The following SORCS1 variants were observed in gnomAD, a reference collection of about 807,000 sequenced individuals.
SORCS1 encodes the protein VPS10 domain-containing receptor SorCS1.
A neutral mutation model predicts 146.1 loss-of-function variants in SORCS1; 60 were observed. The observed-to-expected ratio is 0.41, with a 90% CI of 0.33 to 0.51. The LOEUF is 0.51. Ranked by LOEUF, SORCS1 falls within the 20% of genes least tolerant of loss-of-function variation. The probability of loss-of-function intolerance (pLI) is 0.21; values close to 1 mark genes in which losing one functional copy is unlikely to be tolerated. For missense variants in SORCS1, 1,352 were observed against 1,487.6 expected (o/e 0.91, Z 1.50); for synonymous variants, 637 against 584.0 (o/e 1.09, Z -1.31).
chr10:107,096,182 A>G (rs1964534332), intron 1 of SORCS1, among the ~76,000 whole-genome samples: 1 of 152,214 alleles, frequency 6.6e-6, no homozygotes, highest in Non-Finnish European at 1.5e-5. Context: ...ATATATGGCA[A>G]GTTATTGTTG....
At chr10:107,129,151 G>C (rs1288196741) in intron 1 of SORCS1, among the ~76,000 whole-genome samples, 1 of 152,208 alleles carries the variant, frequency 6.6e-6, no homozygotes, top group Non-Finnish European at 1.5e-5. Flanking sequence ...AGCAGACTGG[G>C]TGAAATTGTT....
At chr10:107,151,347 T>C (rs2134822054) in intron 1 of SORCS1, among the ~76,000 whole-genome samples, 1 of 152,060 alleles carries the variant, frequency 6.6e-6, no homozygotes, top group Middle Eastern at 3.4e-3. Context: ...GGAGTAAAGG[T>C]CACTCTTTGT....
At chr10:106,961,750 C>A (rs4918272) in intron 1 of SORCS1, among the ~76,000 whole-genome samples, 4 of 152,022 alleles carry the variant, frequency 2.6e-5, no homozygotes, top group Non-Finnish European at 5.9e-5. Context: ...GCAACACCTG[C>A]AAGTTACCAC....
At chr10:107,161,244 G>A (rs1276041078) in intron 1 of SORCS1, among the ~76,000 whole-genome samples, 1 of 152,198 alleles carries the variant, frequency 6.6e-6, no homozygotes, top group African/African-American at 2.4e-5. Context: ...CTTGAATGCA[G>A]GTGTTGTCAT....
intron 3 of SORCS1, among the ~76,000 whole-genome samples, chr10:106,814,087 CT>C (rs1280555324): frequency 6.6e-6 from 1 of 152,198 alleles, no homozygotes; most frequent in Non-Finnish European, 1.5e-5. Flanking sequence ...GAAACCAGTA[CT>C]GAGACCTGGA....
In SORCS1 at chr10:106,708,381, G is replaced by A. The variant is rs1026853282; in HGVS notation, c.1143+842C>T. Among the ~76,000 whole-genome samples, 13 of 151,932 alleles carry A rather than the reference G, an allele frequency of 8.6e-5. 1 individual carries two copies. The highest frequency in any genetic ancestry group is 4.6e-4 in the Admixed American group (7 of 15,238). Reference sequence around the variant, plus strand: ...ATATTCCAAATCACAATTTCTTGTCGAAATAAATGTAATACTGTCTAGAAT... The same window carrying A: ...ATATTCCAAATCACAATTTCTTGTCAAAATAAATGTAATACTGTCTAGAAT... On this transcript the variant is annotated intron_variant, in intron 7 of 25. Transcript: ENST00000263054.
chr10:107,105,104 A>G (rs1965215500), intron 1 of SORCS1, among the ~76,000 whole-genome samples: 1 of 152,270 alleles, frequency 6.6e-6, no homozygotes, highest in Admixed American at 6.5e-5. Flanking sequence ...AACAGTTAAC[A>G]TGTATTCAGC....
chr10:107,153,641 G>A (rs1449120711), intron 1 of SORCS1, among the ~76,000 whole-genome samples: 1 of 152,194 alleles, frequency 6.6e-6, no homozygotes, highest in Admixed American at 6.5e-5. Context: ...ACAGCAGACT[G>A]TCTCCCAACA....
At chr10:107,148,724 A>G (rs1038788582) in intron 1 of SORCS1, among the ~76,000 whole-genome samples, 1 of 152,182 alleles carries the variant, frequency 6.6e-6, no homozygotes. Context: ...AGGCAAATAT[A>G]ATTTTCCCTT....
At chr10:106,731,931 A>G (rs897511076) in intron 5 of SORCS1, among the ~76,000 whole-genome samples, 7 of 152,228 alleles carry the variant, frequency 4.6e-5, no homozygotes, top group Non-Finnish European at 7.3e-5. Context: ...AAGGAGGTAA[A>G]GAGAAAGAAA....
At chr10:107,007,299 C>T (rs1957493694) in intron 1 of SORCS1, among the ~76,000 whole-genome samples, 1 of 152,188 alleles carries the variant, frequency 6.6e-6, no homozygotes, top group Non-Finnish European at 1.5e-5. Context: ...GTAGGAGTGA[C>T]ACTGTGCCAT....
At chr10:106,885,459 T>C (rs1367404487) in intron 2 of SORCS1, among the ~76,000 whole-genome samples, 1 of 152,152 alleles carries the variant, frequency 6.6e-6, no homozygotes, top group East Asian at 1.9e-4. Context: ...CATCTAAAAA[T>C]GATTTTTGCC....
At chr10:107,017,291 T>C (rs71475434) in intron 1 of SORCS1, among the ~76,000 whole-genome samples, 1,874 of 152,296 alleles carry the variant, frequency 0.012, 26 homozygotes, top group Middle Eastern at 0.027. Context: ...TCTGGAATAT[T>C]TATACAATAG....
intron 2 of SORCS1, 69 bp downstream of exon 2, chr10:106,956,444 G>T: frequency 7.1e-7 from 1 of 1,416,872 alleles, no homozygotes; most frequent in Non-Finnish European, 9.9e-7. Flanking sequence ...GGAAAAAGTG[G>T]GTGGGACAGC....
intron 1 of SORCS1, among the ~76,000 whole-genome samples, chr10:107,038,385 C>A (rs934218062): frequency 5.4e-5 from 5 of 93,232 alleles, no homozygotes; most frequent in East Asian, 3.8e-4. Flanking sequence ...AGACAGAGGA[C>A]TGTCGTGGGG....
At chr10:107,071,950 G>C (rs1204990852) in intron 1 of SORCS1, among the ~76,000 whole-genome samples, 2 of 152,238 alleles carry the variant, frequency 1.3e-5, no homozygotes, top group Non-Finnish European at 2.9e-5. Flanking sequence ...ATATAGAGGA[G>C]AGACCCAATG....
At chr10:106,833,754 T>C (rs1948665609) in intron 2 of SORCS1, among the ~76,000 whole-genome samples, 1 of 151,990 alleles carries the variant, frequency 6.6e-6, no homozygotes, top group Non-Finnish European at 1.5e-5. Flanking sequence ...GGGTTGGCAC[T>C]GCATCATGGA....
intron 2 of SORCS1, among the ~76,000 whole-genome samples, chr10:106,844,140 ATGT>A (rs1949198820): frequency 6.6e-6 from 1 of 152,310 alleles, no homozygotes; most frequent in East Asian, 1.9e-4. Flanking sequence ...GATATTAGTG[ATGT>A]TGAACATCTT....
At chr10:106,793,622 G>C in intron 3 of SORCS1, among the ~76,000 whole-genome samples, 1 of 152,070 alleles carries the variant, frequency 6.6e-6, no homozygotes, top group Non-Finnish European at 1.5e-5. Context: ...CAGCTAAGAG[G>C]AGTGTTTCAG....
Sources: allele counts gnomAD v4.1 joint callset (sites outside exome capture counted in the v4.1 genomes callset), GRCh38; gene constraint gnomAD v4.1.1; transcripts MANE v1.5; gene names NCBI Gene and HGNC (gene_info 2026-07-23, HGNC 2026-07-21).